SLC25A21: variants seen among roughly 807,000 people sequenced by gnomAD.
SLC25A21 encodes solute carrier family 25 member 21.
In SLC25A21, 47 loss-of-function variants were observed where a neutral mutation model predicts 43.8. That is an observed-to-expected ratio of 1.07 (90% CI 0.85 to 1.37). SLC25A21 has a LOEUF of 1.37. SLC25A21 is among the 40% of genes most tolerant of loss of function. SLC25A21 has a pLI of 0.00. For synonymous variants in SLC25A21, 131 were observed against 121.3 expected (o/e 1.08, Z -0.52); for missense variants, 352 against 350.2 (o/e 1.00, Z -0.04).
At chr14:36,752,803 T>G (rs970274111) in intron 3 of SLC25A21, among the ~76,000 whole-genome samples, 1 of 152,118 alleles carries the variant, frequency 6.6e-6, no homozygotes. Context: ...TCTCAAGAGA[T>G]CTGATGGTTT....
intron 1 of SLC25A21, among the ~76,000 whole-genome samples, chr14:37,069,081 G>A (rs970858114): frequency 3.3e-5 from 5 of 152,050 alleles, no homozygotes; most frequent in Admixed American, 6.5e-5. Context: ...GGAGGCTGAC[G>A]CAGGAGAATA....
intron 1 of SLC25A21, among the ~76,000 whole-genome samples, chr14:37,161,550 G>A (rs1001118118): frequency 6.6e-6 from 1 of 152,080 alleles, no homozygotes; most frequent in African/African-American, 2.4e-5. Flanking sequence ...GACTTTATTT[G>A]GAAATAGGAT....
chr14:36,976,833 T>C (rs976565452), intron 1 of SLC25A21, among the ~76,000 whole-genome samples: 5 of 152,246 alleles, frequency 3.3e-5, no homozygotes, highest in African/African-American at 9.6e-5. Flanking sequence ...GTTCATCTTC[T>C]TGCTTTGAGA....
rs367948974 is a variant in SLC25A21 at position 37,128,538 on chromosome 14, C to CTGTGTGTGTGTGTGTG, written c.70+43727_70+43742dup. 2.0e-3 allele frequency among the ~76,000 whole-genome samples: 247 copies of CTGTGTGTGTGTGTGTG among 122,784 alleles called. 4 individuals are homozygous for CTGTGTGTGTGTGTGTG. Among genetic ancestry groups the CTGTGTGTGTGTGTGTG allele is most frequent in the Middle Eastern group, 4.6e-3 (1 of 216 alleles). The allele number at this position is 122,784 out of a possible 152,430, so 80.6% of individuals were successfully genotyped here. The stretch of plus-strand genomic sequence containing the variant: ...ACTTTCTGTCTCTCTCTCTCTCTCT[C>CTGTGTGTGTGTGTGTG]TGTGTGTGTGTGTGTGTGTGTGTGT... On this transcript the variant is annotated intron_variant, in intron 1 of 9. Coordinates refer to ENST00000331299, the MANE Select transcript of SLC25A21 (RefSeq NM_030631.4).
intron 1 of SLC25A21, among the ~76,000 whole-genome samples, chr14:37,089,695 G>A (rs978911405): frequency 2.0e-5 from 3 of 152,160 alleles, no homozygotes; most frequent in Non-Finnish European, 4.4e-5. Flanking sequence ...TTATACCACA[G>A]CTCTACTTCT....
chr14:36,815,328 A>C (rs982022887), intron 2 of SLC25A21, among the ~76,000 whole-genome samples: 8 of 152,124 alleles, frequency 5.3e-5, no homozygotes, highest in African/African-American at 1.9e-4. Flanking sequence ...CTGGAACTTA[A>C]AGTAAAAAAA....
intron 1 of SLC25A21, among the ~76,000 whole-genome samples, chr14:37,092,771 CTTT>C (rs959128444): frequency 6.6e-6 from 1 of 150,804 alleles, no homozygotes; most frequent in Non-Finnish European, 1.5e-5. Flanking sequence ...TTTATCCCAC[CTTT>C]TTTTTTAATT....
intron 2 of SLC25A21, among the ~76,000 whole-genome samples, chr14:36,849,095 A>T (rs1376888368): frequency 2.6e-5 from 4 of 152,158 alleles, no homozygotes; most frequent in Admixed American, 2.6e-4. Flanking sequence ...AATATATTCA[A>T]AAGTTTGAGG....
intron 2 of SLC25A21, among the ~76,000 whole-genome samples, chr14:36,837,220 T>G (rs956891576): frequency 6.6e-6 from 1 of 151,332 alleles, no homozygotes; most frequent in East Asian, 1.9e-4. Flanking sequence ...TTTGCCAAGA[T>G]GCAAGGAGAC....
intron 1 of SLC25A21, among the ~76,000 whole-genome samples, chr14:36,916,082 G>C (rs994641865): frequency 6.6e-6 from 1 of 152,300 alleles, no homozygotes; most frequent in African/African-American, 2.4e-5. Context: ...AGAAAACAAA[G>C]AAGTAAAATG....
chr14:37,033,627 T>C (rs1961265672), intron 1 of SLC25A21, among the ~76,000 whole-genome samples: 1 of 152,186 alleles, frequency 6.6e-6, no homozygotes, highest in African/African-American at 2.4e-5. Flanking sequence ...TTTATCTACT[T>C]TTGTTTTCTA....
At chr14:36,791,905 A>C (rs1246374360) in intron 3 of SLC25A21, among the ~76,000 whole-genome samples, 1 of 152,118 alleles carries the variant, frequency 6.6e-6, no homozygotes, top group Non-Finnish European at 1.5e-5. Flanking sequence ...TGGGAGCCAA[A>C]AATATTCTAT....
At chr14:36,746,728 C>T (rs1594547827) in intron 3 of SLC25A21, among the ~76,000 whole-genome samples, 2 of 152,076 alleles carry the variant, frequency 1.3e-5, no homozygotes, top group Non-Finnish European at 2.9e-5. Context: ...AGTTTCTGTC[C>T]CTCCCATTCA....
intron 1 of SLC25A21, among the ~76,000 whole-genome samples, chr14:36,972,206 C>T (rs1284783033): frequency 1.3e-5 from 2 of 152,116 alleles, no homozygotes; most frequent in African/African-American, 2.4e-5. Flanking sequence ...TAGGTTATAG[C>T]ATATAGTCTA....
chr14:36,995,198 T>C, intron 1 of SLC25A21, among the ~76,000 whole-genome samples: 1 of 152,210 alleles, frequency 6.6e-6, no homozygotes, highest in East Asian at 1.9e-4. Context: ...CTTAGGATCA[T>C]CAAAATGTCA....
chr14:37,140,315 C>T (rs1963549941), intron 1 of SLC25A21, among the ~76,000 whole-genome samples: 1 of 152,178 alleles, frequency 6.6e-6, no homozygotes. Flanking sequence ...AGAACTATGA[C>T]TTACTAATTT....
intron 1 of SLC25A21, among the ~76,000 whole-genome samples, chr14:37,036,987 G>A (rs747948855): frequency 6.6e-6 from 1 of 152,140 alleles, no homozygotes; most frequent in Non-Finnish European, 1.5e-5. Context: ...GGCCTGGAAA[G>A]AAGATTTAGG....
intron 1 of SLC25A21, among the ~76,000 whole-genome samples, chr14:36,950,311 C>T (rs1016539072): frequency 1.3e-5 from 2 of 152,080 alleles, no homozygotes; most frequent in African/African-American, 4.8e-5. Flanking sequence ...CCTAATGTGA[C>T]TACATTTGGA....
At chr14:36,790,368 T>C (rs1887441218) in intron 3 of SLC25A21, among the ~76,000 whole-genome samples, 1 of 152,106 alleles carries the variant, frequency 6.6e-6, no homozygotes, top group African/African-American at 2.4e-5. Flanking sequence ...ATCATCCTTA[T>C]CACTCATTCT....
Sources: allele counts gnomAD v4.1 joint callset (sites outside exome capture counted in the v4.1 genomes callset), GRCh38; gene constraint gnomAD v4.1.1; transcripts MANE v1.5; gene names NCBI Gene and HGNC (gene_info 2026-07-23, HGNC 2026-07-21).